The following RANBP2 variants were observed in gnomAD, a reference collection of about 807,000 sequenced individuals.
RANBP2 encodes the protein E3 SUMO-protein ligase RanBP2.
In RANBP2, 57 loss-of-function variants were observed where a neutral mutation model predicts 303.6. The observed-to-expected ratio is 0.19, with a 90% CI of 0.15 to 0.23. RANBP2 has a LOEUF of 0.23. RANBP2 is among the 10% of genes least tolerant of loss of function. The pLI is 1.00. For missense variants in RANBP2, 3,138 were observed against 3,780.8 expected (o/e 0.83, Z 4.46); for synonymous variants, 1,167 against 1,301.5 (o/e 0.90, Z 2.23).
the RANBP2 span, chr2:108,884,288 C>T: frequency 6.6e-6 from 1 of 152,264 alleles, no homozygotes; most frequent in South Asian, 2.1e-4. Context: ...TGCCTGGTCT[C>T]CCAGATTGTG....
chr2:109,278,106 G>T, the RANBP2 span, among the ~76,000 whole-genome samples: 1 of 151,956 alleles, frequency 6.6e-6, no homozygotes, highest in African/African-American at 2.4e-5. Flanking sequence ...GAGCCCAGGA[G>T]GTCTAGGCTG....
At chr2:109,176,591 G>A in the RANBP2 span, among the ~76,000 whole-genome samples, 125 of 152,272 alleles carry the variant, frequency 8.2e-4, no homozygotes, top group African/African-American at 2.9e-3. Flanking sequence ...TAAAAAATTA[G>A]CCAGGTGTGG....
At chr2:109,050,442 G>A in the RANBP2 span, among the ~76,000 whole-genome samples, 1 of 18,368 alleles carries the variant, frequency 5.4e-5, no homozygotes, top group African/African-American at 8.8e-5. Context: ...TTGTAGAGAT[G>A]GGGGGTCTCA....
the RANBP2 span, among the ~76,000 whole-genome samples, chr2:109,166,375 G>A: frequency 6.6e-6 from 1 of 151,840 alleles, no homozygotes; most frequent in Non-Finnish European, 1.5e-5. Context: ...TACTTGGGAG[G>A]CTGAGGCAGG....
chr2:108,832,521 A>G, the RANBP2 span, among the ~76,000 whole-genome samples: 1 of 150,198 alleles, frequency 6.7e-6, no homozygotes, highest in Admixed American at 6.6e-5. Context: ...CTAATTTTGT[A>G]TTTTTAGTAG....
the RANBP2 span, among the ~76,000 whole-genome samples, chr2:109,581,392 G>A: frequency 1.3e-5 from 2 of 151,794 alleles, no homozygotes; most frequent in Admixed American, 6.6e-5. Flanking sequence ...AGCCGAGATT[G>A]CGCCACTGCA....
chr2:108,733,457 T>A (rs1381990060), intron 4 of RANBP2, among the ~76,000 whole-genome samples: 1 of 152,054 alleles, frequency 6.6e-6, no homozygotes, highest in Non-Finnish European at 1.5e-5. Context: ...TTGAGGGACA[T>A]TTTGGTTATT....
chr2:108,772,957 T>G lies in RANBP2; in HGVS notation c.8203T>G (p.Phe2735Val), dbSNP rs1677613792. The G allele has an allele frequency of 6.2e-7, 1 of 1,613,792 alleles. No homozygotes were observed. Among genetic ancestry groups the G allele is most frequent in the Non-Finnish European group, 8.5e-7 (1 of 1,179,868 alleles). The change falls in exon 23 of 29, where the codon TTT (phenylalanine) becomes GTT (valine). Residue 2735 changes from phenylalanine to valine, a missense_variant. Around this residue, in one of 20 missense-constraint regions of RANBP2, gnomAD observed 497 missense variants for 465.8 expected, o/e 1.07. Coordinates refer to ENST00000283195, the MANE Select transcript of RANBP2 (RefSeq NM_006267.5). ...KADTLKLPPT[F>V]FCGVCSDTDE... ...AGATACGTTAAAACTTCCACCTACA[T>G]TTTTTTGTGGAGTCTGTAGTGATAC... is the stretch of plus-strand genomic sequence containing the variant.
Position 108,748,983 on chromosome 2 carries a change from T to C in RANBP2, c.1127T>C (p.Phe376Ser), listed in dbSNP as rs1217027611. 6.2e-7 allele frequency: 1 copy of C among 1,612,022 alleles called. No homozygotes were observed. Among genetic ancestry groups the C allele is most frequent in the Non-Finnish European group, 8.5e-7 (1 of 1,179,862 alleles). ...QDFLKEIVET[F>S]ANKSGQSALY... Reference sequence around the variant, plus strand: ...TTTTTAAAAGAGATTGTTGAAACTTTTGCCAACAAAAGCGGGCAGTCTGCA... The same window carrying C: ...TTTTTAAAAGAGATTGTTGAAACTTCTGCCAACAAAAGCGGGCAGTCTGCA... The change falls in exon 9 of 29, where the codon TTT (phenylalanine) becomes TCT (serine). Residue 376 changes from phenylalanine (F) to serine (S), a missense_variant. Transcript: ENST00000283195.
the RANBP2 span, among the ~76,000 whole-genome samples, chr2:109,054,858 A>T: frequency 6.6e-6 from 1 of 152,120 alleles, no homozygotes; most frequent in Non-Finnish European, 1.5e-5. Context: ...ACCATAGCTT[A>T]GTTTAGCCTA....
chr2:109,044,336 C>T, the RANBP2 span, among the ~76,000 whole-genome samples: 130,732 of 151,682 alleles, frequency 0.86, 58,611 homozygotes, highest in Non-Finnish European at 0.98. Flanking sequence ...CTGGCCAACA[C>T]GGTGAAACCC....
the RANBP2 span, among the ~76,000 whole-genome samples, chr2:109,686,223 C>T: frequency 6.6e-6 from 1 of 152,104 alleles, no homozygotes; most frequent in African/African-American, 2.4e-5. Flanking sequence ...AAGCCCTGAG[C>T]CCGTGGCCAC....
chr2:109,557,925 TG>T, the RANBP2 span, among the ~76,000 whole-genome samples: 1 of 151,166 alleles, frequency 6.6e-6, no homozygotes, highest in African/African-American at 2.4e-5. Context: ...CCCAAGTAGC[TG>T]GGACTATATG....
At chr2:109,130,142 A>C in the RANBP2 span, 1 of 1,281,256 alleles carries the variant, frequency 7.8e-7, no homozygotes, top group Admixed American at 4.1e-5. Context: ...GGAAGTGGCC[A>C]CGGCACGTGG....
the RANBP2 span, among the ~76,000 whole-genome samples, chr2:109,607,730 G>C: frequency 1.3e-5 from 2 of 152,036 alleles, no homozygotes; most frequent in African/African-American, 4.8e-5. Context: ...GCAAAGTTTA[G>C]TCTTTCCTCC....
At chr2:109,592,485 G>A in the RANBP2 span, among the ~76,000 whole-genome samples, 3 of 138,796 alleles carry the variant, frequency 2.2e-5, no homozygotes, top group Admixed American at 1.5e-4. Context: ...AACAAACAAC[G>A]AATGATAAAA....
the RANBP2 span, among the ~76,000 whole-genome samples, chr2:108,872,205 C>A: frequency 6.6e-6 from 1 of 152,154 alleles, no homozygotes; most frequent in Non-Finnish European, 1.5e-5. Context: ...AGAGTCTGAT[C>A]ATTTTCTCTT....
At chr2:109,287,030 C>G in the RANBP2 span, among the ~76,000 whole-genome samples, 146 of 152,312 alleles carry the variant, frequency 9.6e-4, no homozygotes, top group African/African-American at 3.2e-3. Context: ...CTGCACTGCT[C>G]TTCCCTCTCA....
chr2:108,910,660 G>T, the RANBP2 span: 1 of 1,424,802 alleles, frequency 7.0e-7, no homozygotes, highest in Non-Finnish European at 9.8e-7. Context: ...CCCACGGTAA[G>T]CACAGTATGG....
Sources: allele counts gnomAD v4.1 joint callset (sites outside exome capture counted in the v4.1 genomes callset), GRCh38; gene constraint gnomAD v4.1.1; regional missense constraint gnomAD v4.1.1; transcripts MANE v1.5; gene names NCBI Gene and HGNC (gene_info 2026-07-23, HGNC 2026-07-21).